The following IQANK1 variants were observed in gnomAD, a reference collection of about 807,000 sequenced individuals.
The protein encoded by IQANK1 is IQ motif and ankyrin repeat domain-containing protein 1.
IQANK1 carries 30 observed loss-of-function variants against 22.6 expected under a neutral mutation model. The ratio of observed to expected loss-of-function variants is 1.33; its 90% confidence interval spans 0.99 to 1.80. IQANK1 has a LOEUF of 1.80. IQANK1 is among the 40% of genes most tolerant of loss of function. The pLI is 0.00. For synonymous variants in IQANK1, 122 were observed against 99.6 expected, an observed-to-expected ratio of 1.23 and a Z score of -1.34; for missense variants, 275 against 235.2, an observed-to-expected ratio of 1.17 and a Z score of -1.11.
At chr8:143,781,518 C>T (rs576888046) in intron 7 of IQANK1, among the ~76,000 whole-genome samples, 3 of 152,250 alleles carry the variant, frequency 2.0e-5, no homozygotes, top group African/African-American at 7.2e-5. Flanking sequence ...AGGAAGGGGT[C>T]CATCTTCAAT....
chr8:143,770,211 G>C (rs1554629603), intron 3 of IQANK1, among the ~76,000 whole-genome samples: 1 of 152,214 alleles, frequency 6.6e-6, no homozygotes, highest in African/African-American at 2.4e-5. Context: ...TCAGCGAATT[G>C]TGTCTGATGC....
At position 143,745,550 on chromosome 8, in the gene IQANK1, G is replaced by A. The variant is rs192243793; in HGVS notation, c.175+5602G>A. 795 of 152,430 alleles carry A rather than the reference G, an allele frequency of 5.2e-3. 12 individuals carry two copies. Among genetic ancestry groups the A allele is most frequent in the Non-Finnish European group, 5.1e-3 (345 of 68,192 alleles). The allele number at this position is 152,430 out of a possible 1,614,324, so 9.4% of individuals were successfully genotyped here. ...CGATTCTCTTGCCTCAGCCTCCCAG[G>A]TAGCTGGGATAGCAGGTGTGTGCCA... On this transcript the variant is annotated intron_variant, in intron 3 of 13. Transcript: ENST00000527139.
intron 3 of IQANK1, among the ~76,000 whole-genome samples, chr8:143,740,741 C>T (rs1587471032): frequency 6.6e-6 from 1 of 152,244 alleles, no homozygotes; most frequent in South Asian, 2.1e-4. Context: ...CTCCCCAGCC[C>T]AGGCCCGGCA....
intron 7 of IQANK1, among the ~76,000 whole-genome samples, chr8:143,784,579 A>G (rs1819852828): frequency 1.3e-5 from 2 of 152,236 alleles, no homozygotes; most frequent in Non-Finnish European, 2.9e-5. Flanking sequence ...TCTCAATGGT[A>G]TAAAACAAAA....
chr8:143,786,999 G>C (rs1322007833), intron 7 of IQANK1, among the ~76,000 whole-genome samples: 2 of 152,162 alleles, frequency 1.3e-5, no homozygotes, highest in African/African-American at 4.8e-5. Context: ...TATTCTGGTG[G>C]CACTTGGACA....
In IQANK1 at chr8:143,754,315, G is replaced by A. The variant is rs543720234; in HGVS notation, c.175+14367G>A. 9.8e-4 allele frequency among the ~76,000 whole-genome samples: 149 copies of A among 152,294 alleles called. 2 individuals are homozygous for A. The highest frequency in any genetic ancestry group is 3.0e-3 in the African/African-American group (124 of 41,572). On this transcript the variant is annotated intron_variant, in intron 3 of 13. Coordinates refer to ENST00000527139, the MANE Select transcript of IQANK1 (RefSeq NM_001381874.1). ...ACTATGTTATCATTCGGCCGTATCC[G>A]TGGGTCAGGAGTCCGGGCACAGGCT...
chr8:143,767,877 C>CTT (rs782768885), intron 3 of IQANK1, among the ~76,000 whole-genome samples: 258 of 78,804 alleles, frequency 3.3e-3, no homozygotes, highest in African/African-American at 4.8e-3. Context: ...GGAGCGAGAC[C>CTT]TTTTTTTTTT....
Position 143,757,493 on chromosome 8 carries a change from C to A in IQANK1, c.176-13995C>A, listed in dbSNP as rs534826157. On this transcript the variant is annotated intron_variant, in intron 3 of 13. Coordinates refer to ENST00000527139, the MANE Select transcript of IQANK1 (RefSeq NM_001381874.1). ...CTGAGACTATAGGCGCCCGCCACCA[C>A]GCCCAGCTAATTTTTTGTATTTTTA... Among the ~76,000 whole-genome samples the A allele has an allele frequency of 2.8e-4, 43 of 152,168 alleles. 1 individual carries two copies. The South Asian group carries it at 8.5e-3, about 30-fold the overall frequency.
At position 143,789,524 on chromosome 8, in the gene IQANK1, T is replaced by C; in HGVS notation, c.1082T>C (p.Leu361Pro). The C allele has an allele frequency of 8.1e-7, 1 of 1,232,288 alleles. No homozygotes were observed. The highest frequency in any genetic ancestry group is 4.1e-5 in the South Asian group (1 of 24,326). The allele number at this position is 1,232,288 out of a possible 1,614,324, so 76.3% of individuals were successfully genotyped here. A position where few individuals can be genotyped will look rare whatever the true frequency, so the allele number is the denominator to read the frequency against. ...TGCATGGACAAGACCAAGCTCACGC[T>C]GCAGGTGGGGGCCCGTGGTGGACTT... The part of the protein sequence containing the change: ...WRCMDKTKLT[L>P]QAIKDTEAQV... Residue 361 changes from leucine (L) to proline (P), a missense_variant, in exon 10 of 14, where the codon CTG becomes CCG. Coordinates refer to ENST00000527139, the MANE Select transcript of IQANK1 (RefSeq NM_001381874.1).
intron 3 of IQANK1, among the ~76,000 whole-genome samples, chr8:143,760,663 CAG>C (rs1554628823): frequency 6.6e-6 from 1 of 152,150 alleles, no homozygotes; most frequent in African/African-American, 2.4e-5. Flanking sequence ...GCCTGGGCGA[CAG>C]AGGGAGACCC....
At chr8:143,789,646 G>GTTTT (rs1819979984) in intron 10 of IQANK1, 115 bp from the exon 11 acceptor site, 4 of 1,213,250 alleles carry the variant, frequency 3.3e-6, no homozygotes, top group Middle Eastern at 3.1e-4. Flanking sequence ...AACATGGGGA[G>GTTTT]TCACCAGCCG....
Position 143,735,875 on chromosome 8 carries a change from C to T in IQANK1, c.22C>T (p.Pro8Ser), listed in dbSNP as rs1239677245. 2 of 702,640 alleles carry T rather than the reference C, an allele frequency of 2.8e-6. No homozygotes were observed. The highest frequency in any genetic ancestry group is 5.2e-6 in the Non-Finnish European group (2 of 384,922). The allele number at this position is 702,640 out of a possible 1,614,324, so 43.5% of individuals were successfully genotyped here. A position where few individuals can be genotyped will look rare whatever the true frequency, so the allele number is the denominator to read the frequency against. Residue 8 changes from proline to serine, a missense_variant, in exon 2 of 14, where the codon CCC (proline) becomes TCC (serine). By Grantham distance (74) the Pro-to-Ser change is moderately conservative. Coordinates refer to ENST00000527139, the MANE Select transcript of IQANK1 (RefSeq NM_001381874.1). This position sits in a 1 kb window ranked among gnomAD's most constrained non-coding sequence, Gnocchi z 5.2. ...GAGAATGGACAGTAAGAAGGGGAGA[C>T]CCAAAGCTGCAGCTGGGAAGTGGCA... is the stretch of plus-strand genomic sequence containing the variant. MDSKKGR[P>S]KAAAGKWQTL...
chr8:143,741,509 G>A (rs558274045), intron 3 of IQANK1, among the ~76,000 whole-genome samples: 9 of 152,232 alleles, frequency 5.9e-5, no homozygotes, highest in East Asian at 1.9e-4. Flanking sequence ...TGCTAGGACC[G>A]CACAGGTGGG....
At chr8:143,748,613 A>G (rs1461310150) in intron 3 of IQANK1, among the ~76,000 whole-genome samples, 1 of 130,016 alleles carries the variant, frequency 7.7e-6, no homozygotes, top group East Asian at 2.1e-4. Context: ...TATATAATAT[A>G]TAAATATATA....
chr8:143,774,993 G>C lies in IQANK1; in HGVS notation c.789+2511G>C, dbSNP rs116093431. Among the ~76,000 whole-genome samples the C allele has an allele frequency of 0.015, 2,264 of 152,268 alleles. 56 individuals carry two copies. The highest frequency in any genetic ancestry group is 0.051 in the African/African-American group (2,122 of 41,546). On this transcript the variant is annotated intron_variant, in intron 7 of 13. Transcript: ENST00000527139. The surrounding 1 kb of genome is among the most constrained non-coding windows in gnomAD (Gnocchi z 4.2). ...TGGGAGTGGGGGCAGGAAAAGCGGG[G>C]AGAGATGGGGCCGACTGGGCAGGAG...
At chr8:143,778,606 C>T (rs929707295) in intron 7 of IQANK1, among the ~76,000 whole-genome samples, 3 of 152,174 alleles carry the variant, frequency 2.0e-5, no homozygotes, top group Non-Finnish European at 4.4e-5. Context: ...GACAAGTAGA[C>T]GGAATATCAG....
At chr8:143,737,984 C>T (rs1818788020) in intron 2 of IQANK1, among the ~76,000 whole-genome samples, 3 of 152,312 alleles carry the variant, frequency 2.0e-5, no homozygotes, top group Middle Eastern at 3.4e-3. Context: ...CAGCTCAGAC[C>T]CCGGAGCAGT....
Position 143,789,053 on chromosome 8 carries a change from C to T in IQANK1, c.928C>T (p.Arg310Trp), listed in dbSNP as rs922477965. The change falls in exon 8 of 14, where the codon CGG (arginine) becomes TGG (tryptophan). Residue 310 changes from arginine to tryptophan, a missense_variant. By Grantham distance (101) the Arg-to-Trp change is moderately radical (BLOSUM62 -3). Transcript: ENST00000527139. ...GAGGCACAAGGAGGCCGAGGCTGAG[C>T]GGTGTGGAAGGCAGGAGGGGTGTGG... ...AQRHKEAEAE[R>W]CGSMTLKVQQ... The T allele has an allele frequency of 1.0e-5, 4 of 400,404 alleles. No homozygotes were observed. The highest frequency in any genetic ancestry group is 6.2e-5 in the African/African-American group (3 of 48,540). 24.8% of individuals were successfully genotyped at this position (400,404 alleles called of 1,614,324 possible).
At chr8:143,765,346 G>C (rs1554629155) in intron 3 of IQANK1, among the ~76,000 whole-genome samples, 2 of 150,928 alleles carry the variant, frequency 1.3e-5, no homozygotes, top group Non-Finnish European at 2.9e-5. Context: ...GACAGAGTAA[G>C]ACCTTGTCTC....
Sources: gnomAD v4.1 joint callset for allele counts (sites outside exome capture counted in the v4.1 genomes callset) on GRCh38, gnomAD v4.1.1 for gene constraint, Gnocchi (gnomAD v3.1) non-coding constraint, MANE v1.5 for transcripts, NCBI Gene and HGNC (gene_info 2026-07-23, HGNC 2026-07-21) for gene names.